Variants in PPARG observed in about 807,000 individuals in gnomAD.
PPARG encodes peroxisome proliferator activated receptor gamma, also known as peroxisome proliferator-activated receptor gamma.
PPARG carries 17 observed loss-of-function variants against 39.2 expected under a neutral mutation model. The ratio of observed to expected loss-of-function variants is 0.43; its 90% CI spans 0.30 to 0.65. The LOEUF (loss-of-function observed/expected upper bound fraction) is 0.65. Ranked by LOEUF, PPARG falls within the 30% of genes least tolerant of loss-of-function variation. The probability of loss-of-function intolerance (pLI) is 0.13; values close to 1 mark genes in which losing one functional copy is unlikely to be tolerated. For synonymous variants in PPARG, 223 were observed against 215.7 expected, an observed-to-expected ratio of 1.03 and a Z score of -0.30; for missense variants, 406 against 585.9, an observed-to-expected ratio of 0.69 and a Z score of 3.17.
intron 2 of PPARG, among the ~76,000 whole-genome samples, chr3:12,345,693 C>T (rs923873405): frequency 3.3e-5 from 5 of 152,176 alleles, no homozygotes; most frequent in East Asian, 1.9e-4. Flanking sequence ...TATTAAGTTT[C>T]GTGAGCCCGT....
Position 12,334,233 on chromosome 3 carries a change from C to CT in PPARG, c.-9+21791dup, listed in dbSNP as rs1156995055. Among the ~76,000 whole-genome samples, 404 of 144,308 alleles carry CT rather than the reference C, an allele frequency of 2.8e-3. 5 individuals are homozygous for CT. Among genetic ancestry groups the CT allele is most frequent in the African/African-American group, 4.6e-3 (181 of 39,548 alleles). The allele number at this position is 144,308 out of a possible 152,430, so 94.7% of individuals were successfully genotyped here. On this transcript the variant is annotated intron_variant, in intron 2 of 7. Transcript: ENST00000651735. ...AAATTTTATTTTCTTTTCTTTTTTT[C>CT]TTTTTTTTTTTCTTTGAGACAGAGT...
chr3:12,308,794 G>T (rs1238374635), intron 1 of PPARG, among the ~76,000 whole-genome samples: 2 of 152,152 alleles, frequency 1.3e-5, no homozygotes, highest in Non-Finnish European at 2.9e-5. Flanking sequence ...GCATGCCACT[G>T]AGAAAATAGA....
rs776908462 is a variant in PPARG, at chr3:12,405,868, C to T, written c.530-14C>T. 6.2e-7 allele frequency: 1 copy of T among 1,611,068 alleles called. No homozygotes were observed. Among genetic ancestry groups the T allele is most frequent in the Non-Finnish European group, 8.5e-7 (1 of 1,177,426 alleles). On this transcript the variant is annotated splice_polypyrimidine_tract_variant and intron_variant, in intron 5 of 7. Transcript: ENST00000651735. ...AATCCAATGATTCATCCTGTCATTC[C>T]TCTTCCTCTATAGCCATCAGGTTTG...
intron 2 of PPARG, among the ~76,000 whole-genome samples, chr3:12,321,478 A>T (rs1234391231): frequency 1.3e-5 from 2 of 152,212 alleles, no homozygotes; most frequent in African/African-American, 4.8e-5. Context: ...ATCTTTCTGT[A>T]TAGGAACCTA....
At chr3:12,430,268 G>T (rs1307866065) in intron 7 of PPARG, among the ~76,000 whole-genome samples, 1 of 152,202 alleles carries the variant, frequency 6.6e-6, no homozygotes, top group African/African-American at 2.4e-5. Context: ...TTGATCCAGG[G>T]CTCTTGGCCA....
chr3:12,414,093 G>A (rs1182727998), intron 6 of PPARG, among the ~76,000 whole-genome samples: 1 of 152,184 alleles, frequency 6.6e-6, no homozygotes, highest in Non-Finnish European at 1.5e-5. Flanking sequence ...TCAGGGCATA[G>A]TTCCAGATAA....
rs2051064934 is a variant in PPARG at position 12,416,624 on chromosome 3, C to T, written c.730-80C>T. On this transcript the variant is annotated intron_variant, in intron 6 of 7. Coordinates refer to ENST00000651735, the MANE Select transcript of PPARG (RefSeq NM_138711.6). ...AGTTAGCAAAGCAAGTTTACATAAA[C>T]AGTTTTCTGAACCTGGGATGGCATT... is the stretch of plus-strand genomic sequence containing the variant. The T allele has an allele frequency of 5.1e-6, 7 of 1,359,972 alleles. No homozygotes were observed. In the South Asian group the frequency reaches 7.5e-5, roughly 15 times the overall value. 84.2% of individuals were successfully genotyped at this position (1,359,972 alleles called of 1,614,324 possible). A position where few individuals can be genotyped will look rare whatever the true frequency, so the allele number is the denominator to read the frequency against.
intron 6 of PPARG, among the ~76,000 whole-genome samples, chr3:12,414,074 G>T (rs1319205993): frequency 6.6e-6 from 1 of 152,080 alleles, no homozygotes; most frequent in Non-Finnish European, 1.5e-5. Context: ...GAGTGACAAG[G>T]GTGATTTATC....
chr3:12,414,770 C>T (rs894642903), intron 6 of PPARG, among the ~76,000 whole-genome samples: 18 of 152,098 alleles, frequency 1.2e-4, no homozygotes, highest in African/African-American at 4.3e-4. Flanking sequence ...ACAGTTTGGT[C>T]CCAATTTCCT....
At chr3:12,423,409 A>G (rs1225713802) in intron 7 of PPARG, among the ~76,000 whole-genome samples, 2 of 152,212 alleles carry the variant, frequency 1.3e-5, no homozygotes, top group Non-Finnish European at 2.9e-5. Context: ...GTTTGGGAGT[A>G]TTCATCTCTC....
chr3:12,409,395 G>A (rs965714594), intron 6 of PPARG, among the ~76,000 whole-genome samples: 5 of 150,076 alleles, frequency 3.3e-5, no homozygotes, highest in Admixed American at 1.4e-4. Context: ...GAAAGAAACA[G>A]TTCAGAGAGG....
At chr3:12,359,010 A>G (rs1258858996) in intron 2 of PPARG, among the ~76,000 whole-genome samples, 2 of 152,204 alleles carry the variant, frequency 1.3e-5, no homozygotes, top group Admixed American at 6.5e-5. Flanking sequence ...TTTGGACACC[A>G]TGTCTACCAG....
chr3:12,340,697 CTCTT>C (rs2048158313), intron 2 of PPARG, among the ~76,000 whole-genome samples: 3 of 152,172 alleles, frequency 2.0e-5, no homozygotes, highest in Non-Finnish European at 4.4e-5. Context: ...GAATCTTGGA[CTCTT>C]TTCCTAAAGC....
chr3:12,417,902 CTTTTTT>C (rs869086237), intron 7 of PPARG, among the ~76,000 whole-genome samples: 1 of 65,900 alleles, frequency 1.5e-5, no homozygotes, highest in African/African-American at 5.9e-5. Context: ...TTTTTTTTTC[CTTTTTT>C]TTTTTTTTTT....
At position 12,309,105 on chromosome 3, in the gene PPARG, C is replaced by T. The variant is rs112200889; in HGVS notation, c.-82-3275C>T. Among the ~76,000 whole-genome samples the T allele has an allele frequency of 2.6e-5, 4 of 152,218 alleles. No homozygotes were observed. In the South Asian group the frequency reaches 8.3e-4, roughly 32 times the overall value. ...TATGCAAATTTATTTTATGGTAGAACCTTTTCTGTTGGAAAATCTTAGGGA... is the reference window on the plus strand; with the variant it reads ...TATGCAAATTTATTTTATGGTAGAATCTTTTCTGTTGGAAAATCTTAGGGA... On this transcript the variant is annotated intron_variant, in intron 1 of 7. Transcript: ENST00000651735.
chr3:12,386,049 C>T (rs940840009), intron 4 of PPARG, among the ~76,000 whole-genome samples: 1 of 152,146 alleles, frequency 6.6e-6, no homozygotes, highest in Non-Finnish European at 1.5e-5. Context: ...GTGACTGATG[C>T]ATCTCTAACA....
chr3:12,385,871 A>C (rs2049851457), intron 4 of PPARG, among the ~76,000 whole-genome samples: 1 of 152,198 alleles, frequency 6.6e-6, no homozygotes, highest in Non-Finnish European at 1.5e-5. Context: ...AAAATCAACA[A>C]CACCATTCTG....
chr3:12,382,784 G>C lies in PPARG; in HGVS notation c.390+1293G>C, dbSNP rs1424201416. ...CAGGGGTTCAAGACCAGTCTGGGCA[G>C]CATAGTGAGACCCCATCCCTACAAA... On this transcript the variant is annotated intron_variant, in intron 4 of 7. Transcript: ENST00000651735. 3.9e-5 allele frequency among the ~76,000 whole-genome samples: 6 copies of C among 152,092 alleles called. No homozygotes were observed. In the East Asian group the frequency reaches 1.2e-3, roughly 29 times the overall value.
At position 12,392,758 on chromosome 3, in the gene PPARG, T is replaced by TC. The variant is rs2050125538; in HGVS notation, c.529+6_529+7insC. On this transcript the variant is annotated splice_region_variant and intron_variant, in intron 5 of 7. Transcript: ENST00000651735. ...AGTGGGGATGTCTCATAATGGTAAG[T>TC]AAACAGTCATCACCATATACTTTAT... 1 of 1,613,528 alleles carries TC rather than the reference T, an allele frequency of 6.2e-7. No individual in the cohort carries two copies. Among genetic ancestry groups the TC allele is most frequent in the African/African-American group, 1.3e-5 (1 of 74,898 alleles).
Sources: allele counts gnomAD v4.1 joint callset (sites outside exome capture counted in the v4.1 genomes callset), GRCh38; gene constraint gnomAD v4.1.1; transcripts MANE v1.5; gene names NCBI Gene and HGNC (gene_info 2026-07-23, HGNC 2026-07-21).